Variants in MPZ observed in about 807,000 individuals in gnomAD.
MPZ encodes myelin protein P0.
MPZ carries 13 observed loss-of-function variants against 27.9 expected under a neutral mutation model. That is an observed-to-expected ratio of 0.47 (90% CI 0.30 to 0.74). The LOEUF (loss-of-function observed/expected upper bound fraction) is 0.74. Among genes scored for constraint, MPZ ranks in the 30% least tolerant of loss-of-function variants. The probability of loss-of-function intolerance (pLI) is 0.06; values close to 1 mark genes in which losing one functional copy is unlikely to be tolerated. For missense variants in MPZ, 256 were observed against 317.5 expected (o/e 0.81, Z 1.47); for synonymous variants, 118 against 128.9 (o/e 0.92, Z 0.57).
chr1:161,309,258 C>T (rs1329970877), intron 1 of MPZ, among the ~76,000 whole-genome samples: 5 of 152,254 alleles, frequency 3.3e-5, no homozygotes, highest in South Asian at 2.1e-4. Flanking sequence ...TTACTTAGAT[C>T]GCACTCTCTT....
chr1:161,309,552 A>ATATATATAT, intron 1 of MPZ, among the ~76,000 whole-genome samples: 7 of 80,646 alleles, frequency 8.7e-5, no homozygotes, highest in African/African-American at 3.5e-4. Flanking sequence ...ATATATATAT[A>ATATATATAT]TTTTTTTTTT....
intron 1 of MPZ, among the ~76,000 whole-genome samples, chr1:161,309,553 T>TATATATATATA (rs1553259997): frequency 1.4e-5 from 1 of 69,802 alleles, no homozygotes; most frequent in Non-Finnish European, 3.0e-5. Context: ...TATATATATA[T>TATATATATATA]TTTTTTTTTT....
intron 5 of MPZ, 46 bp from the exon 6 acceptor site, chr1:161,306,023 A>G (rs1227833011): frequency 5.6e-6 from 9 of 1,608,788 alleles, no homozygotes; most frequent in South Asian, 2.2e-5. Flanking sequence ...CTGGGGCTTG[A>G]CTGTTCCCAT....
chr1:161,305,401 T>C lies in MPZ; in HGVS notation c.*475A>G, dbSNP rs1312582661. The C allele has an allele frequency of 6.2e-6, 1 of 162,366 alleles. No homozygotes were observed. The highest frequency in any genetic ancestry group is 2.4e-5 in the African/African-American group (1 of 41,160). The allele number at this position is 162,366 out of a possible 1,614,324, so 10.1% of individuals were successfully genotyped here. ...GGTGGCCTGGACTTGAGGCAGAGGG[T>C]ATCAAAGTCCCTTTCTTCTCAGTGC... On this transcript the variant is annotated 3_prime_UTR_variant, in exon 6 of 6. Transcript: ENST00000533357.
intron 1 of MPZ, among the ~76,000 whole-genome samples, chr1:161,308,164 A>C (rs550274255): frequency 6.6e-6 from 1 of 152,334 alleles, no homozygotes; most frequent in African/African-American, 2.4e-5. Flanking sequence ...AATGAAGATA[A>C]CTAGAAAATA....
At chr1:161,308,013 T>C (rs567950197) in intron 1 of MPZ, among the ~76,000 whole-genome samples, 4 of 152,242 alleles carry the variant, frequency 2.6e-5, no homozygotes, top group African/African-American at 9.6e-5. Flanking sequence ...CACATACATA[T>C]TGCATTGTAT....
In MPZ at chr1:161,307,390, G is replaced by A. The variant is rs749600926; in HGVS notation, c.102C>T (p.Thr34=). 12 of 1,614,256 alleles carry A rather than the reference G, an allele frequency of 7.4e-6. No homozygotes were observed. The highest frequency in any genetic ancestry group is 4.5e-5 in the East Asian group (2 of 44,894). Residue 34 remains threonine, a synonymous_variant, in exon 2 of 6, where the codon ACC becomes ACT. Transcript: ENST00000533357. ...CCACAGCACCATGGACCTCCCTGTCGGTGTAAACCACGATGGCCTGGGCCG... is the reference window on the plus strand; with the variant it reads ...CCACAGCACCATGGACCTCCCTGTCAGTGTAAACCACGATGGCCTGGGCCG... ...LSPAQAIVVY[T]DREVHGAVGS...
rs541909555 is a variant in MPZ, at chr1:161,305,594, C to A, written c.*282G>T. On this transcript the variant is annotated 3_prime_UTR_variant, in exon 6 of 6. Transcript: ENST00000533357. ...AAAGGGAGGTGAGGGCAGGGCAGGG[C>A]GGGGGAGCAAAGAGGGAAAGCACCT... 6.2e-5 allele frequency: 28 copies of A among 450,398 alleles called. No homozygotes were observed. The East Asian group carries it at 1.0e-3, about 17-fold the overall frequency. 27.9% of individuals were successfully genotyped at this position (450,398 alleles called of 1,614,324 possible). A position where few individuals can be genotyped will look rare whatever the true frequency, so the allele number is the denominator to read the frequency against.
At chr1:161,306,530 G>A in intron 3 of MPZ, 66 bp from the exon 4 acceptor site, 1 of 1,604,202 alleles carries the variant, frequency 6.2e-7, no homozygotes, top group Non-Finnish European at 8.5e-7. Flanking sequence ...CCTAGTCCGA[G>A]TGTATGCCCT....
intron 2 of MPZ, 97 bp downstream of exon 2, chr1:161,307,161 C>T (rs1381621597): frequency 2.6e-6 from 4 of 1,512,214 alleles, no homozygotes; most frequent in Non-Finnish European, 2.7e-6. Context: ...GGTTATGGCT[C>T]AAAAAGGATT....
intron 1 of MPZ, among the ~76,000 whole-genome samples, chr1:161,309,552 A>ATATATATATATATATATAT: frequency 1.2e-5 from 1 of 80,662 alleles, no homozygotes; most frequent in Non-Finnish European, 2.4e-5. Context: ...ATATATATAT[A>ATATATATATATATATATAT]TTTTTTTTTT....
At chr1:161,309,798 C>A in intron 1 of MPZ, 41 bp downstream of exon 1, 1 of 1,510,244 alleles carries the variant, frequency 6.6e-7, no homozygotes, top group Non-Finnish European at 9.0e-7. Flanking sequence ...CTGAGAGACA[C>A]CTGAGTCCCA....
chr1:161,305,581 G>T lies in MPZ; in HGVS notation c.*295C>A. The T allele has an allele frequency of 2.1e-6, 1 of 469,122 alleles. No homozygotes were observed. Among genetic ancestry groups the T allele is most frequent in the East Asian group, 3.7e-5 (1 of 27,132 alleles). The allele number at this position is 469,122 out of a possible 1,614,324, so 29.1% of individuals were successfully genotyped here. A position where few individuals can be genotyped will look rare whatever the true frequency, so the allele number is the denominator to read the frequency against. On this transcript the variant is annotated 3_prime_UTR_variant, in exon 6 of 6. Transcript: ENST00000533357. ...AAACTTACATCTCAAAGGGAGGTGA[G>T]GGCAGGGCAGGGCGGGGGAGCAAAG...
chr1:161,305,485 C>A lies in MPZ; in HGVS notation c.*391G>T. On this transcript the variant is annotated 3_prime_UTR_variant, in exon 6 of 6. Coordinates refer to ENST00000533357, the MANE Select transcript of MPZ (RefSeq NM_000530.8). ...GGGCAGGTGAGGGGTAGGATTAGCT[C>A]CTGGGCTCCCAGAAAGCCAGGGGTG... 1 of 233,050 alleles carries A rather than the reference C, an allele frequency of 4.3e-6. No homozygotes were observed. Among genetic ancestry groups the A allele is most frequent in the Non-Finnish European group, 8.6e-6 (1 of 116,258 alleles). 14.4% of individuals were successfully genotyped at this position (233,050 alleles called of 1,614,324 possible).
chr1:161,305,671 G>T lies in MPZ; in HGVS notation c.*205C>A, dbSNP rs892128920. 27 of 584,554 alleles carry T rather than the reference G, an allele frequency of 4.6e-5. No individual in the cohort carries two copies. The highest frequency in any genetic ancestry group is 4.5e-4 in the Middle Eastern group (1 of 2,240). The allele number at this position is 584,554 out of a possible 1,614,324, so 36.2% of individuals were successfully genotyped here. A position where few individuals can be genotyped will look rare whatever the true frequency, so the allele number is the denominator to read the frequency against. ...CCCCTGCTCTGGCAGGGCCTGGGGTGGGGGGGTGGCGATCACTTGTCCGAG... is the reference window on the plus strand; with the variant it reads ...CCCCTGCTCTGGCAGGGCCTGGGGTTGGGGGGTGGCGATCACTTGTCCGAG... On this transcript the variant is annotated 3_prime_UTR_variant, in exon 6 of 6. Coordinates refer to ENST00000533357, the MANE Select transcript of MPZ (RefSeq NM_000530.8).
chr1:161,307,174 C>A, intron 2 of MPZ, 84 bp downstream of exon 2: 1 of 1,554,986 alleles, frequency 6.4e-7, no homozygotes, highest in South Asian at 1.1e-5. Flanking sequence ...AAAGGATTTC[C>A]CCCTCCTTAG....
In MPZ at chr1:161,308,575, T is replaced by G. The variant is rs150709636; in HGVS notation, c.68-1151A>C. ...ACCCCTACTCCCACCCCAACTGTCC[T>G]GAATCTCTCACCTCAGCATGCAATA... On this transcript the variant is annotated intron_variant, in intron 1 of 5. Coordinates refer to ENST00000533357, the MANE Select transcript of MPZ (RefSeq NM_000530.8). Among the ~76,000 whole-genome samples the G allele has an allele frequency of 1.7e-3, 258 of 152,306 alleles. 1 individual carries two copies. Among genetic ancestry groups the G allele is most frequent in the African/African-American group, 5.9e-3 (247 of 41,572 alleles).
Position 161,305,645 on chromosome 1 carries a change from C to T in MPZ, c.*231G>A, listed in dbSNP as rs1396462857. 2 of 574,956 alleles carry T rather than the reference C, an allele frequency of 3.5e-6. No individual in the cohort carries two copies. The highest frequency in any genetic ancestry group is 6.2e-6 in the Non-Finnish European group (2 of 324,712). 35.6% of individuals were successfully genotyped at this position (574,956 alleles called of 1,614,324 possible). On this transcript the variant is annotated 3_prime_UTR_variant, in exon 6 of 6. Coordinates refer to ENST00000533357, the MANE Select transcript of MPZ (RefSeq NM_000530.8). ...AGACGGGGGTAAGAGGAGCCTAGGT[C>T]CCCCTGCTCTGGCAGGGCCTGGGGT... is the stretch of plus-strand genomic sequence containing the variant.
rs753395333 is a variant in MPZ at position 161,306,195 on chromosome 1, T to C, written c.585-27A>G. On this transcript the variant is annotated intron_variant, in intron 4 of 5. Transcript: ENST00000533357. ...TGCAAGAAGAGAGACTGCTGTACGT[T>C]TGGCCTCGCCGGAACCCCTTGCACC... 20 of 1,613,946 alleles carry C rather than the reference T, an allele frequency of 1.2e-5. No individual in the cohort carries two copies. In the East Asian group the frequency reaches 3.8e-4, roughly 31 times the overall value.
Sources: gnomAD v4.1 joint callset for allele counts (sites outside exome capture counted in the v4.1 genomes callset) on GRCh38, gnomAD v4.1.1 for gene constraint, MANE v1.5 for transcripts, NCBI Gene and HGNC (gene_info 2026-07-23, HGNC 2026-07-21) for gene names.